Variants in CNST observed in about 807,000 individuals in gnomAD.
The protein encoded by CNST is consortin, connexin sorting protein, also known as consortin.
In CNST, 39 loss-of-function variants were observed where a neutral mutation model predicts 72.4. The ratio of observed to expected loss-of-function variants is 0.54; its 90% CI spans 0.42 to 0.70. The LOEUF (loss-of-function observed/expected upper bound fraction) is 0.70, where lower values mean the gene tolerates loss of function less well. CNST is among the 30% of genes least tolerant of loss of function. The probability of loss-of-function intolerance (pLI) is 0.00; values close to 1 mark genes in which losing one functional copy is unlikely to be tolerated. For missense variants in CNST, 871 were observed against 868.5 expected (o/e 1.00, Z -0.04); for synonymous variants, 332 against 320.1 (o/e 1.04, Z -0.40).
intron 1 of CNST, among the ~76,000 whole-genome samples, chr1:246,576,743 C>A (rs944036727): frequency 6.6e-6 from 1 of 151,984 alleles, no homozygotes; most frequent in Non-Finnish European, 1.5e-5. Context: ...ATCCACCCCC[C>A]TCAGCCTTCC....
At chr1:246,616,672 A>G (rs1201861561) in intron 2 of CNST, among the ~76,000 whole-genome samples, 1 of 152,088 alleles carries the variant, frequency 6.6e-6, no homozygotes, top group Non-Finnish European at 1.5e-5. Context: ...CTCCTGCCTC[A>G]GCCTCCCGAG....
intron 2 of CNST, among the ~76,000 whole-genome samples, chr1:246,597,289 A>C (rs934688151): frequency 2.0e-5 from 3 of 152,224 alleles, no homozygotes; most frequent in Non-Finnish European, 4.4e-5. Context: ...GGTACAATTT[A>C]GTGGTTTTAG....
rs201671589 is a variant in CNST at position 246,660,289 on chromosome 1, A to C, written c.1927A>C (p.Lys643Gln). ...TGCCCAAATGCAACACAAACCATCTAAGCGAAGAGTGAGATTCCAAGAAAT... is the reference window on the plus strand; with the variant it reads ...TGCCCAAATGCAACACAAACCATCTCAGCGAAGAGTGAGATTCCAAGAAAT... ...HPAQMQHKPS[K>Q]RRVRFQEIDD... The change falls in exon 10 of 11, where the codon AAG (lysine) becomes CAG (glutamine). Residue 643 changes from lysine (K) to glutamine (Q), a missense_variant. Physicochemically the swap from Lys to Gln is moderately conservative, Grantham distance 53. Transcript: ENST00000366513. 1,860 of 1,614,128 alleles carry C rather than the reference A, an allele frequency of 1.2e-3. 39 individuals are homozygous for C. In the South Asian group the frequency reaches 0.019, roughly 17 times the overall value.
At chr1:246,567,230 C>T (rs1401488003) in intron 1 of CNST, among the ~76,000 whole-genome samples, 1 of 152,130 alleles carries the variant, frequency 6.6e-6, no homozygotes, top group Admixed American at 6.5e-5. Flanking sequence ...AAGATTAAGA[C>T]TTTAGGATGC....
At chr1:246,568,259 G>A (rs190451972) in intron 1 of CNST, among the ~76,000 whole-genome samples, 382 of 152,338 alleles carry the variant, frequency 2.5e-3, no homozygotes, top group Middle Eastern at 0.01. Flanking sequence ...AGCCTACTGA[G>A]TCCTAGAAAA....
rs752070096 is a variant in CNST at position 246,647,947 on chromosome 1, A to G, written c.1746A>G (p.Glu582=). The G allele has an allele frequency of 4.3e-6, 7 of 1,613,262 alleles. No individual in the cohort carries two copies. The highest frequency in any genetic ancestry group is 5.9e-6 in the Non-Finnish European group (7 of 1,179,560). The change falls in exon 9 of 11, where the codon GAA becomes GAG. Residue 582 remains glutamate, a synonymous_variant. Coordinates refer to ENST00000366513, the MANE Select transcript of CNST (RefSeq NM_152609.3). ...ATCTCCTTCAAGATCTCTCTCCTGA[A>G]GAAGCATCCTATAGTCTCCAGGAGA... ...DSDLLQDLSP[E]EASYSLQENL...
intron 5 of CNST, 83 bp from the exon 6 acceptor site, chr1:246,634,390 G>A (rs1294714618): frequency 2.8e-6 from 2 of 716,348 alleles, no homozygotes; most frequent in Non-Finnish European, 4.7e-6. Context: ...CTTTATGAGT[G>A]GTGCTAGTTA....
chr1:246,653,046 C>T (rs1666576362), intron 9 of CNST, among the ~76,000 whole-genome samples: 1 of 151,634 alleles, frequency 6.6e-6, no homozygotes, highest in African/African-American at 2.4e-5. Flanking sequence ...GAGAGAGCAA[C>T]TCATGTTCCT....
At chr1:246,595,185 A>G (rs1278187253) in intron 2 of CNST, among the ~76,000 whole-genome samples, 1 of 152,136 alleles carries the variant, frequency 6.6e-6, no homozygotes, top group Non-Finnish European at 1.5e-5. Flanking sequence ...TTTAAACTGA[A>G]TAGGATTCTT....
At chr1:246,624,581 G>A (rs535997234) in intron 3 of CNST, among the ~76,000 whole-genome samples, 7 of 152,308 alleles carry the variant, frequency 4.6e-5, no homozygotes, top group East Asian at 3.9e-4. Context: ...AAGCTGAGAC[G>A]TCAGGGTGAC....
chr1:246,604,262 GA>G (rs997635338), intron 2 of CNST, among the ~76,000 whole-genome samples: 99 of 144,296 alleles, frequency 6.9e-4, no homozygotes, highest in African/African-American at 1.3e-3. Flanking sequence ...TCAAAAAAAA[GA>G]AAAAAAAAAG....
At chr1:246,601,158 T>C (rs1485984690) in intron 2 of CNST, among the ~76,000 whole-genome samples, 1 of 151,490 alleles carries the variant, frequency 6.6e-6, no homozygotes, top group Non-Finnish European at 1.5e-5. Flanking sequence ...ATAAAAAAAA[T>C]AGCAGGCGTG....
intron 2 of CNST, among the ~76,000 whole-genome samples, chr1:246,605,719 G>T (rs1232161023): frequency 1.2e-5 from 1 of 82,180 alleles, no homozygotes; most frequent in East Asian, 3.8e-4. Flanking sequence ...GGTGTCTTCC[G>T]GCCGGGGTAG....
intron 1 of CNST, among the ~76,000 whole-genome samples, chr1:246,567,551 T>G (rs1659794590): frequency 6.6e-6 from 1 of 152,196 alleles, no homozygotes; most frequent in Non-Finnish European, 1.5e-5. Flanking sequence ...AGTTTGGCAT[T>G]TAAATGCACG....
chr1:246,635,776 C>G (rs1247797311), intron 6 of CNST, among the ~76,000 whole-genome samples: 2 of 152,334 alleles, frequency 1.3e-5, no homozygotes, highest in East Asian at 1.9e-4. Flanking sequence ...CGTGAACCAT[C>G]CTCAGCCCAG....
intron 2 of CNST, among the ~76,000 whole-genome samples, chr1:246,594,250 A>G (rs1308425371): frequency 1.3e-5 from 2 of 152,110 alleles, no homozygotes; most frequent in African/African-American, 4.8e-5. Flanking sequence ...CCTGGGTTCA[A>G]GTGATCCTTT....
intron 8 of CNST, among the ~76,000 whole-genome samples, chr1:246,646,245 G>A (rs908432208): frequency 1.7e-4 from 25 of 145,000 alleles, no homozygotes; most frequent in South Asian, 1.1e-3. Flanking sequence ...GCGCCACTGT[G>A]CTCCAGCCTG....
At chr1:246,652,867 G>A (rs961474102) in intron 9 of CNST, among the ~76,000 whole-genome samples, 6 of 151,046 alleles carry the variant, frequency 4.0e-5, no homozygotes, top group African/African-American at 9.8e-5. Flanking sequence ...AGCCGGGCGT[G>A]GTGGCGGGCG....
At chr1:246,655,425 T>A (rs560001313) in intron 9 of CNST, among the ~76,000 whole-genome samples, 49 of 152,278 alleles carry the variant, frequency 3.2e-4, no homozygotes, top group African/African-American at 1.2e-3. Flanking sequence ...AGCGGTGACA[T>A]GTTTTTATCA....
Sources: allele counts gnomAD v4.1 joint callset (sites outside exome capture counted in the v4.1 genomes callset), GRCh38; gene constraint gnomAD v4.1.1; transcripts MANE v1.5; gene names NCBI Gene and HGNC (gene_info 2026-07-23, HGNC 2026-07-21).